Variants in DCAF8L2 observed in about 807,000 individuals in gnomAD.
DCAF8L2 encodes the protein DDB1- and CUL4-associated factor 8-like protein 2.
For synonymous variants in DCAF8L2, 200 were observed against 190.9 expected, an observed-to-expected ratio of 1.05 and a Z score of -0.39; for missense variants, 430 against 490.7, an observed-to-expected ratio of 0.88 and a Z score of 1.17.
At chrX:27,704,855 T>C (rs1170250504) in intron 3 of DCAF8L2, among the ~76,000 whole-genome samples, 1 of 110,666 alleles carries the variant, frequency 9.0e-6, no homozygotes, top group Admixed American at 9.7e-5. Context: ...TAGATATGCA[T>C]GTTTGTTATA....
the DCAF8L2 span, among the ~76,000 whole-genome samples, chrX:27,527,666 A>AT: frequency 1.2e-3 from 127 of 101,899 alleles, no homozygotes; most frequent in Non-Finnish European, 1.6e-3. Context: ...GAACCTCCGG[A>AT]TTTTTTTTTT....
the DCAF8L2 span, among the ~76,000 whole-genome samples, chrX:27,547,628 A>C: frequency 9.0e-6 from 1 of 110,967 alleles, no homozygotes; most frequent in African/African-American, 3.3e-5. Context: ...ACCACCATTT[A>C]TAAAACCATC....
Position 27,619,004 on chromosome X carries a change from AATCTATCTATCTATCT to A in DCAF8L2, c.-341-12846_-341-12831del, listed in dbSNP as rs57635575. The stretch of plus-strand genomic sequence containing the variant: ...CAGGATATTATCTATATCTATATCT[AATCTATCTATCTATCT>A]ATCTATCTATCTATCTATCTATCTA... On this transcript the variant is annotated intron_variant, in intron 1 of 4. Coordinates refer to ENST00000451261, the MANE Select transcript of DCAF8L2 (RefSeq NM_001353450.2). Among the ~76,000 whole-genome samples, 30 of 101,681 alleles carry A rather than the reference AATCTATCTATCTATCT, an allele frequency of 3.0e-4. No homozygotes were observed. In the South Asian group the frequency reaches 6.9e-3, roughly 24 times the overall value. The allele number at this position is 101,681 out of a possible 115,157, so 88.3% of individuals were successfully genotyped here.
At chrX:27,649,384 A>G (rs757328470) in intron 2 of DCAF8L2, among the ~76,000 whole-genome samples, 1 of 112,307 alleles carries the variant, frequency 8.9e-6, no homozygotes, top group South Asian at 3.7e-4. Flanking sequence ...GAAATCTCCA[A>G]ACTACTTTCC....
intron 2 of DCAF8L2, among the ~76,000 whole-genome samples, chrX:27,668,889 C>T (rs1379777561): frequency 9.2e-6 from 1 of 108,414 alleles, no homozygotes. Context: ...GAGCCGGGAT[C>T]GTGCCACTGC....
the DCAF8L2 span, among the ~76,000 whole-genome samples, chrX:27,578,181 CA>C: frequency 5.4e-5 from 6 of 111,300 alleles, no homozygotes; most frequent in African/African-American, 2.0e-4. Context: ...CTACAGTAAC[CA>C]AAACAGCATG....
At chrX:27,521,851 T>C in the DCAF8L2 span, among the ~76,000 whole-genome samples, 1 of 112,196 alleles carries the variant, frequency 8.9e-6, no homozygotes. Flanking sequence ...GCCTTTTTTG[T>C]AAATTAAATG....
intron 1 of DCAF8L2, among the ~76,000 whole-genome samples, chrX:27,602,493 C>T (rs1037066503): frequency 9.0e-6 from 1 of 111,550 alleles, no homozygotes; most frequent in Non-Finnish European, 1.9e-5. Flanking sequence ...AAATTTCTGG[C>T]ATCAAAATTC....
chrX:27,684,616 A>G (rs1930438110), intron 3 of DCAF8L2, among the ~76,000 whole-genome samples: 1 of 111,694 alleles, frequency 9.0e-6, no homozygotes, highest in Non-Finnish European at 1.9e-5. Flanking sequence ...TGTGTGGTGA[A>G]TCCTATTACA....
chrX:27,560,264 T>C, the DCAF8L2 span, among the ~76,000 whole-genome samples: 1 of 43,636 alleles, frequency 2.3e-5, no homozygotes, highest in Non-Finnish European at 4.1e-5. Context: ...AAGATATCCA[T>C]CTCAAAAAAA....
At chrX:27,642,494 C>T (rs923895648) in intron 2 of DCAF8L2, among the ~76,000 whole-genome samples, 1 of 111,143 alleles carries the variant, frequency 9.0e-6, no homozygotes, top group Non-Finnish European at 1.9e-5. Context: ...AGCTTTCTCA[C>T]ATGTATGTTC....
the DCAF8L2 span, among the ~76,000 whole-genome samples, chrX:27,539,305 A>G: frequency 8.9e-6 from 1 of 112,151 alleles, no homozygotes. Flanking sequence ...TCAAAAATTA[A>G]TAGAAAACTA....
At chrX:27,586,909 GC>G (rs1190600824), upstream of DCAF8L2, among the ~76,000 whole-genome samples, 1 of 110,625 alleles carries the variant, frequency 9.0e-6, no homozygotes, top group Non-Finnish European at 1.9e-5. Flanking sequence ...ATTCAAACTT[GC>G]CATTAAATAT....
intron 3 of DCAF8L2, among the ~76,000 whole-genome samples, chrX:27,701,525 TACTA>T (rs768457221): frequency 9.0e-6 from 1 of 111,029 alleles, no homozygotes; most frequent in Non-Finnish European, 1.9e-5. Context: ...TATGATCTCT[TACTA>T]AAAAAGAATT....
chrX:27,519,085 G>A, the DCAF8L2 span: 2 of 1,054,400 alleles, frequency 1.9e-6, no homozygotes, highest in South Asian at 3.7e-5. Context: ...TCAGGCTAGG[G>A]AGGGGAAACA....
the DCAF8L2 span, among the ~76,000 whole-genome samples, chrX:27,472,558 A>T: frequency 9.1e-6 from 1 of 110,423 alleles, no homozygotes; most frequent in Non-Finnish European, 1.9e-5. Flanking sequence ...TTCCCCACTG[A>T]CAGGCCCCAG....
chrX:27,502,330 AAAAAAAT>A, the DCAF8L2 span, among the ~76,000 whole-genome samples: 5 of 35,063 alleles, frequency 1.4e-4, no homozygotes, highest in African/African-American at 6.3e-4. Flanking sequence ...AAAAAAAAAA[AAAAAAAT>A]ATATATATAT....
the DCAF8L2 span, among the ~76,000 whole-genome samples, chrX:27,493,740 A>G: frequency 1.9e-5 from 2 of 107,578 alleles, no homozygotes; most frequent in Admixed American, 1.0e-4. Context: ...AAAAAAGAAA[A>G]GAAAAGGAAA....
the DCAF8L2 span, among the ~76,000 whole-genome samples, chrX:27,484,901 A>G: frequency 1.7e-4 from 19 of 111,733 alleles, no homozygotes; most frequent in Non-Finnish European, 3.6e-4. Context: ...AAAGAATCCA[A>G]CTGTAAAAAG....
Sources: allele counts gnomAD v4.1 joint callset (sites outside exome capture counted in the v4.1 genomes callset), GRCh38; gene constraint gnomAD v4.1.1; transcripts MANE v1.5; gene names NCBI Gene and HGNC (gene_info 2026-07-23, HGNC 2026-07-21).